The following CNTN4 variants were observed in gnomAD, a reference collection of about 807,000 sequenced individuals.
CNTN4 encodes the protein contactin 4.
In CNTN4, 77 loss-of-function variants were observed where a neutral mutation model predicts 122.5. The ratio of observed to expected loss-of-function variants is 0.63; its 90% CI spans 0.52 to 0.76. The LOEUF (loss-of-function observed/expected upper bound fraction) is 0.76, where lower values mean the gene tolerates loss of function less well. Ranked by LOEUF, CNTN4 falls within the 30% of genes least tolerant of loss-of-function variation. The pLI is 0.00. For missense variants in CNTN4, 1,256 were observed against 1,259.1 expected, an observed-to-expected ratio of 1.00 and a Z score of 0.04; for synonymous variants, 512 against 447.0, an observed-to-expected ratio of 1.15 and a Z score of -1.83.
intron 12 of CNTN4, among the ~76,000 whole-genome samples, chr3:2,905,247 G>A (rs1038009359): frequency 7.2e-5 from 11 of 152,204 alleles, no homozygotes; most frequent in African/African-American, 2.2e-4. Flanking sequence ...AACTAGAAGT[G>A]TTAGTCTGTT....
At chr3:2,135,810 G>A (rs747881491) in intron 2 of CNTN4, among the ~76,000 whole-genome samples, 1 of 152,176 alleles carries the variant, frequency 6.6e-6, no homozygotes, top group Non-Finnish European at 1.5e-5. Flanking sequence ...ATGGAAAATG[G>A]TTCCTGGTCT....
At position 2,709,431 on chromosome 3, in the gene CNTN4, C is replaced by T. The variant is rs1018762272; in HGVS notation, c.56-26784C>T. Among the ~76,000 whole-genome samples, 8 of 151,964 alleles carry T rather than the reference C, an allele frequency of 5.3e-5. No homozygotes were observed. Among genetic ancestry groups the T allele is most frequent in the Non-Finnish European group, 1.2e-4 (8 of 68,006 alleles). Reference sequence around the variant, plus strand: ...CTGTGCACCAGGGATTTTCAAAGTTCCCTCAGGTGATCATCGTGTGCAATG... The same window carrying T: ...CTGTGCACCAGGGATTTTCAAAGTTTCCTCAGGTGATCATCGTGTGCAATG... On this transcript the variant is annotated intron_variant, in intron 4 of 24. Transcript: ENST00000418658. This position sits in a 1 kb window ranked among gnomAD's most constrained non-coding sequence, Gnocchi z 5.0.
intron 3 of CNTN4, among the ~76,000 whole-genome samples, chr3:2,407,261 G>T (rs781106177): frequency 6.6e-6 from 1 of 152,096 alleles, no homozygotes; most frequent in African/African-American, 2.4e-5. Flanking sequence ...AATTTATTTA[G>T]CTTGAAACAG....
intron 4 of CNTN4, among the ~76,000 whole-genome samples, chr3:2,659,918 G>T (rs1377240152): frequency 1.3e-5 from 2 of 152,140 alleles, no homozygotes; most frequent in East Asian, 1.9e-4. Context: ...CTGGAAACCT[G>T]GTCAGGGATT....
chr3:2,494,409 G>A (rs947911890), intron 3 of CNTN4, among the ~76,000 whole-genome samples: 4 of 152,206 alleles, frequency 2.6e-5, no homozygotes, highest in African/African-American at 9.6e-5. Context: ...GCAGTCCTTT[G>A]ACAGGGTTAA....
chr3:2,967,218 C>T lies in CNTN4; in HGVS notation c.1359-21127C>T, dbSNP rs141467710. Among the ~76,000 whole-genome samples, 56 of 152,198 alleles carry T rather than the reference C, an allele frequency of 3.7e-4. 1 individual carries two copies. The highest frequency in any genetic ancestry group is 1.3e-3 in the African/African-American group (53 of 41,524). ...AGGAAGTCGTAGCTGTCTTCTTGCACTGAGTCAGTTCCTGGGTGGGGGCTG... is the reference window on the plus strand; with the variant it reads ...AGGAAGTCGTAGCTGTCTTCTTGCATTGAGTCAGTTCCTGGGTGGGGGCTG... On this transcript the variant is annotated intron_variant, in intron 13 of 24. Transcript: ENST00000418658.
chr3:2,478,014 G>A (rs527721269), intron 3 of CNTN4, among the ~76,000 whole-genome samples: 63 of 152,152 alleles, frequency 4.1e-4, no homozygotes, highest in African/African-American at 1.3e-3. Flanking sequence ...ATCAACAGTC[G>A]GATGGTTTAT....
chr3:2,112,000 C>T (rs984078191), intron 2 of CNTN4, among the ~76,000 whole-genome samples: 3 of 152,224 alleles, frequency 2.0e-5, no homozygotes, highest in Non-Finnish European at 4.4e-5. Flanking sequence ...ATGCAATCCT[C>T]TCTGTGTGGA....
At chr3:2,462,194 T>C (rs1218871629) in intron 3 of CNTN4, among the ~76,000 whole-genome samples, 1 of 152,192 alleles carries the variant, frequency 6.6e-6, no homozygotes, top group African/African-American at 2.4e-5. Context: ...GCAAAAGATT[T>C]CCAAATCAGG....
intron 14 of CNTN4, among the ~76,000 whole-genome samples, chr3:3,010,248 C>T (rs1697089627): frequency 6.6e-6 from 1 of 152,028 alleles, no homozygotes; most frequent in African/African-American, 2.4e-5. Context: ...TGATTTTAAA[C>T]AGCATCTTCC....
chr3:2,548,829 G>A (rs1297254308), intron 3 of CNTN4, among the ~76,000 whole-genome samples: 1 of 152,086 alleles, frequency 6.6e-6, no homozygotes, highest in East Asian at 1.9e-4. Context: ...TTTTCCTTTT[G>A]TTTGCGTCGT....
At chr3:3,012,117 C>A (rs1464441302) in intron 14 of CNTN4, among the ~76,000 whole-genome samples, 1 of 152,148 alleles carries the variant, frequency 6.6e-6, no homozygotes, top group Non-Finnish European at 1.5e-5. Flanking sequence ...AGTTTCTTAG[C>A]TACTTCCAGT....
chr3:2,498,537 G>A (rs1293079129), intron 3 of CNTN4, among the ~76,000 whole-genome samples: 1 of 152,130 alleles, frequency 6.6e-6, no homozygotes, highest in East Asian at 1.9e-4. Flanking sequence ...AGTGCATGCA[G>A]TGGCATGATC....
chr3:2,591,271 A>G (rs2080459306), intron 4 of CNTN4, among the ~76,000 whole-genome samples: 1 of 152,034 alleles, frequency 6.6e-6, no homozygotes, highest in African/African-American at 2.4e-5. Context: ...ATAAGCTGAT[A>G]AAGTCCCTTA....
intron 3 of CNTN4, among the ~76,000 whole-genome samples, chr3:2,416,914 A>G (rs34177828): frequency 0.21 from 31,118 of 151,766 alleles, 3,984 homozygotes; most frequent in Middle Eastern, 0.31. Context: ...TCAGCCTCCC[A>G]AAGTGCTGGG....
intron 13 of CNTN4, among the ~76,000 whole-genome samples, chr3:2,973,947 T>G (rs772977042): frequency 1.3e-5 from 2 of 152,298 alleles, no homozygotes; most frequent in South Asian, 4.1e-4. Context: ...AGGTACAAGA[T>G]TGGCACTTCT....
intron 4 of CNTN4, among the ~76,000 whole-genome samples, chr3:2,597,364 C>T (rs2080818866): frequency 1.3e-5 from 2 of 152,178 alleles, no homozygotes; most frequent in Admixed American, 1.3e-4. Flanking sequence ...CTAGGTTCAG[C>T]ATTAACAATT....
intron 2 of CNTN4, among the ~76,000 whole-genome samples, chr3:2,111,162 G>A (rs192804143): frequency 4.1e-4 from 63 of 152,124 alleles, no homozygotes; most frequent in Non-Finnish European, 6.8e-4. Context: ...CAGAATTCCC[G>A]ATACCAAAAC....
chr3:2,752,112 T>C lies in CNTN4; in HGVS notation c.358+6415T>C, dbSNP rs545442336. On this transcript the variant is annotated intron_variant, in intron 6 of 24. Coordinates refer to ENST00000418658, the MANE Select transcript of CNTN4 (RefSeq NM_175607.3). ...TTTTTTTGTCTGTTCTCTCTTCCAT[T>C]CCCCTTTCTGTCCCTCCATGTCCTG... 3.3e-5 allele frequency among the ~76,000 whole-genome samples: 5 copies of C among 152,216 alleles called. No individual in the cohort carries two copies. In the East Asian group the frequency reaches 9.7e-4, roughly 30 times the overall value.
Sources: gnomAD v4.1 joint callset for allele counts (sites outside exome capture counted in the v4.1 genomes callset) on GRCh38, gnomAD v4.1.1 for gene constraint, Gnocchi (gnomAD v3.1) non-coding constraint, MANE v1.5 for transcripts, NCBI Gene and HGNC (gene_info 2026-07-23, HGNC 2026-07-21) for gene names.